SDHA: variants seen among roughly 807,000 people sequenced by gnomAD.
SDHA encodes succinate dehydrogenase complex flavoprotein subunit A.
Under a neutral mutation model 78.4 loss-of-function variants are expected in SDHA, and 48 were observed. That is an observed-to-expected ratio of 0.61 (90% CI 0.49 to 0.78). The LOEUF is 0.78. Among genes scored for constraint, SDHA ranks in the 30% least tolerant of loss-of-function variants. The pLI is 0.00. For missense variants in SDHA, 680 were observed against 892.7 expected (o/e 0.76, Z 3.04); for synonymous variants, 326 against 353.9 (o/e 0.92, Z 0.88).
At chr5:250,891 CT>C (rs1736777777) in intron 11 of SDHA, 100 bp from the exon 12 acceptor site, 1 of 1,005,650 alleles carries the variant, frequency 9.9e-7, no homozygotes, top group African/African-American at 1.6e-5. Context: ...ATTTATGTAA[CT>C]TTTAAGTGAA....
rs1381228775 is a variant in SDHA at position 230,914 on chromosome 5, A to T, written c.809A>T (p.His270Leu). The T allele has an allele frequency of 2.5e-6, 4 of 1,614,000 alleles. No individual in the cohort carries two copies. In the African/African-American group the frequency reaches 5.3e-5, roughly 22 times the overall value. Residue 270 changes from histidine to leucine, a missense_variant, in exon 7 of 15, where the codon CAC becomes CTC. Coordinates refer to ENST00000264932, the MANE Select transcript of SDHA (RefSeq NM_004168.4). ...ACCTACTTCAGCTGCACGTCTGCCC[A>T]CACCAGCACTGGCGACGGCACGGCC... is the stretch of plus-strand genomic sequence containing the variant. Reference protein sequence around the residue: ...GRTYFSCTSAHTSTGDGTAMI... With the variant: ...GRTYFSCTSALTSTGDGTAMI...
chr5:248,377 A>T (rs1736604103), intron 11 of SDHA, among the ~76,000 whole-genome samples: 1 of 152,246 alleles, frequency 6.6e-6, no homozygotes, highest in Admixed American at 6.5e-5. Context: ...AGAAAACCTG[A>T]GGAAAGCGGG....
Position 232,862 on chromosome 5 carries a change from C to T in SDHA, c.896-615C>T, listed in dbSNP as rs188320502. Among the ~76,000 whole-genome samples the T allele has an allele frequency of 2.7e-3, 407 of 152,192 alleles. 1 individual carries two copies. The highest frequency in any genetic ancestry group is 8.9e-3 in the African/African-American group (369 of 41,518). On this transcript the variant is annotated intron_variant, in intron 7 of 14. Coordinates refer to ENST00000264932, the MANE Select transcript of SDHA (RefSeq NM_004168.4). Reference sequence around the variant, plus strand: ...CAGAGCCGCTGTTTGGAGCACAGACCGCCGGACTACCCAGGTTTGGGTTTG... The same window carrying T: ...CAGAGCCGCTGTTTGGAGCACAGACTGCCGGACTACCCAGGTTTGGGTTTG...
At chr5:230,201 T>C (rs893575177) in intron 6 of SDHA, among the ~76,000 whole-genome samples, 2 of 147,072 alleles carry the variant, frequency 1.4e-5, no homozygotes, top group African/African-American at 5.2e-5. Flanking sequence ...AAATATATAG[T>C]TTTTTTTTTA....
chr5:221,690 CA>C (rs1165101965), intron 1 of SDHA, among the ~76,000 whole-genome samples: 1 of 152,080 alleles, frequency 6.6e-6, no homozygotes, highest in African/African-American at 2.4e-5. Flanking sequence ...ACAATTGGCA[CA>C]AAAGACTAGT....
downstream of SDHA, among the ~76,000 whole-genome samples, chr5:261,037 G>A (rs1259554112): frequency 9.5e-5 from 1 of 10,522 alleles, no homozygotes; most frequent in Admixed American, 6.7e-4. Context: ...TCCGCCTCCC[G>A]CCAGAGCATT....
At chr5:233,451 T>C (rs201347713) in intron 7 of SDHA, 26 bp from the exon 8 acceptor site, 10 of 1,611,484 alleles carry the variant, frequency 6.2e-6, no homozygotes, top group Non-Finnish European at 8.5e-6. Flanking sequence ...AATTGTTAGG[T>C]AATAAATATG....
Position 254,632 on chromosome 5 carries a change from C to G in SDHA, c.1908+126C>G, listed in dbSNP as rs147033506. On this transcript the variant is annotated intron_variant, in intron 14 of 14. Coordinates refer to ENST00000264932, the MANE Select transcript of SDHA (RefSeq NM_004168.4). ...GATTTAAATCAACTCCCGACAGATT[C>G]GAGGCACCGCTGAAAAAGGCACTCC... is the stretch of plus-strand genomic sequence containing the variant. 115 of 1,421,632 alleles carry G rather than the reference C, an allele frequency of 8.1e-5. 1 individual carries two copies. The highest frequency in any genetic ancestry group is 3.7e-4 in the Admixed American group (18 of 48,906). The allele number at this position is 1,421,632 out of a possible 1,614,324, so 88.1% of individuals were successfully genotyped here.
chr5:229,496 A>T (rs1431205317), intron 6 of SDHA, among the ~76,000 whole-genome samples: 2 of 152,268 alleles, frequency 1.3e-5, no homozygotes, highest in African/African-American at 2.4e-5. Context: ...GAAACGAGCC[A>T]GGCACAGAAA....
intron 1 of SDHA, among the ~76,000 whole-genome samples, chr5:221,043 G>A (rs1734686007): frequency 6.6e-6 from 1 of 152,088 alleles, no homozygotes; most frequent in Non-Finnish European, 1.5e-5. Flanking sequence ...TCCATCTCCT[G>A]ACCTCGTGAT....
Position 230,865 on chromosome 5 carries a change from A to C in SDHA, c.771-11A>C, listed in dbSNP as rs2288461. 2.5e-5 allele frequency: 41 copies of C among 1,613,956 alleles called. No homozygotes were observed. Among genetic ancestry groups the C allele is most frequent in the African/African-American group, 5.3e-5 (4 of 74,902 alleles). On this transcript the variant is annotated splice_polypyrimidine_tract_variant and intron_variant, in intron 6 of 14. Transcript: ENST00000264932. ...CCGCTGTGTGCAGTCACTGCTCTCT[A>C]TTGTTTCCAGAGGCTACGGGCGCAC...
At chr5:234,029 G>T in intron 8 of SDHA, 1 of 290,452 alleles carries the variant, frequency 3.4e-6, no homozygotes, top group Non-Finnish European at 6.7e-6. Context: ...ACAGTTTGCA[G>T]CTCTTTCATT....
intron 7 of SDHA, among the ~76,000 whole-genome samples, chr5:232,361 T>C (rs1735460260): frequency 6.6e-6 from 1 of 152,106 alleles, no homozygotes; most frequent in Non-Finnish European, 1.5e-5. Context: ...CAGGCATGTG[T>C]TACCATGCCC....
chr5:263,383 G>A, the SDHA span, among the ~76,000 whole-genome samples: 1 of 152,190 alleles, frequency 6.6e-6, no homozygotes, highest in Non-Finnish European at 1.5e-5. Context: ...GCACTAGGAA[G>A]GAGCGGACTA....
downstream of SDHA, among the ~76,000 whole-genome samples, chr5:258,490 G>GAGCA (rs1371388725): frequency 9.4e-6 from 1 of 106,688 alleles, no homozygotes; most frequent in Non-Finnish European, 1.8e-5. Context: ...CCCCCTGCCA[G>GAGCA]AGCATTACCG....
At chr5:250,803 C>G (rs1736772253) in intron 11 of SDHA, 189 bp from the exon 12 acceptor site, 2 of 619,494 alleles carry the variant, frequency 3.2e-6, no homozygotes, top group South Asian at 3.9e-5. Flanking sequence ...TTTATTTATT[C>G]AGAAGCTTTA....
At chr5:218,541 C>A in intron 1 of SDHA, 123 bp downstream of exon 1, 2 of 756,140 alleles carry the variant, frequency 2.6e-6, no homozygotes, top group Non-Finnish European at 3.7e-6. Context: ...GTCCCGGGAT[C>A]GGGAAGGGGC....
chr5:257,323 G>A (rs1269732504), downstream of SDHA, among the ~76,000 whole-genome samples: 3 of 152,060 alleles, frequency 2.0e-5, no homozygotes, highest in Non-Finnish European at 4.4e-5. Flanking sequence ...TACTGTGTGA[G>A]CTCCACCCCC....
intron 10 of SDHA, among the ~76,000 whole-genome samples, chr5:238,615 C>G (rs142553392): frequency 0.015 from 2,337 of 152,242 alleles, 26 homozygotes; most frequent in Non-Finnish European, 0.02. Flanking sequence ...AGTGTTCCTC[C>G]TGTCTCAGCC....
Sources: allele counts gnomAD v4.1 joint callset (sites outside exome capture counted in the v4.1 genomes callset), GRCh38; gene constraint gnomAD v4.1.1; transcripts MANE v1.5; gene names NCBI Gene and HGNC (gene_info 2026-07-23, HGNC 2026-07-21).